The following ADAMTS20 variants were observed in gnomAD, a reference collection of about 807,000 sequenced individuals.
The protein encoded by ADAMTS20 is ADAM metallopeptidase with thrombospondin type 1 motif 20.
ADAMTS20 carries 225 observed loss-of-function variants against 260.1 expected under a neutral mutation model. The observed-to-expected ratio is 0.87, with a 90% CI of 0.78 to 0.97. ADAMTS20 has a LOEUF of 0.97. Among genes scored for constraint, ADAMTS20 ranks in the 50% least tolerant of loss-of-function variants. The probability of loss-of-function intolerance (pLI) is 0.00; values close to 1 mark genes in which losing one functional copy is unlikely to be tolerated. For missense variants in ADAMTS20, 2,400 were observed against 2,337.7 expected (o/e 1.03, Z -0.55); for synonymous variants, 802 against 769.5 (o/e 1.04, Z -0.70).
In ADAMTS20 at chr12:43,550,959, C is replaced by T. The variant is rs1340493590; in HGVS notation, c.403G>A (p.Val135Ile). ...DLRHCFYRGQVNSQEDYKAVV... is the reference protein window; with the variant it reads ...DLRHCFYRGQINSQEDYKAVV... Reference sequence around the variant, plus strand: ...GCCTTGTAATCCTCCTGTGAGTTGACCTGGCCGCGGTAGAAGCAGTGGCGC... The same window carrying T: ...GCCTTGTAATCCTCCTGTGAGTTGATCTGGCCGCGGTAGAAGCAGTGGCGC... Residue 135 changes from valine (V) to isoleucine (I), a missense_variant, in exon 2 of 39, where the codon GTC becomes ATC. Physicochemically the swap from Val to Ile is conservative, Grantham distance 29. Transcript: ENST00000389420. The T allele has an allele frequency of 6.2e-7, 1 of 1,600,778 alleles. No individual in the cohort carries two copies. The highest frequency in any genetic ancestry group is 8.5e-7 in the Non-Finnish European group (1 of 1,171,362).
chr12:43,431,247 A>G (rs1276912791), intron 22 of ADAMTS20, 85 bp downstream of exon 22: 17 of 1,404,350 alleles, frequency 1.2e-5, no homozygotes, highest in Admixed American at 2.3e-5. Context: ...CATTGCATCC[A>G]CTAAGGGAGG....
chr12:43,373,766 G>A (rs1416284104), intron 36 of ADAMTS20, among the ~76,000 whole-genome samples: 1 of 126,474 alleles, frequency 7.9e-6, no homozygotes, highest in Admixed American at 1.0e-4. Context: ...TGCAAGCTCC[G>A]CCTCCTGGGT....
intron 29 of ADAMTS20, among the ~76,000 whole-genome samples, chr12:43,393,827 A>G (rs1223598179): frequency 2.0e-5 from 3 of 152,066 alleles, no homozygotes; most frequent in African/African-American, 7.2e-5. Flanking sequence ...AAATCTTTCT[A>G]TAACAATAAT....
Position 43,551,795 on chromosome 12 carries a change from C to T in ADAMTS20, c.91+36G>A, listed in dbSNP as rs376310421. 2.6e-4 allele frequency: 412 copies of T among 1,606,990 alleles called. No individual in the cohort carries two copies. The highest frequency in any genetic ancestry group is 3.4e-4 in the Non-Finnish European group (395 of 1,174,930). ...ATGTCCCACTCGGGCCCCGCGCCCC[C>T]ACTTAGCCGCTGAAGGCGTCTCGCG... On this transcript the variant is annotated intron_variant, in intron 1 of 38. Coordinates refer to ENST00000389420, the MANE Select transcript of ADAMTS20 (RefSeq NM_025003.5). This position sits in a 1 kb window ranked among gnomAD's most constrained non-coding sequence, Gnocchi z 4.6.
chr12:43,370,826 T>G (rs1018643047), intron 36 of ADAMTS20, among the ~76,000 whole-genome samples: 1 of 152,216 alleles, frequency 6.6e-6, no homozygotes, highest in Non-Finnish European at 1.5e-5. Flanking sequence ...CTCACACCCC[T>G]TCTATCAGAA....
At chr12:43,481,140 AT>A (rs1324984274) in intron 7 of ADAMTS20, among the ~76,000 whole-genome samples, 2 of 152,146 alleles carry the variant, frequency 1.3e-5, no homozygotes, top group East Asian at 3.8e-4. Flanking sequence ...AGATTAACCC[AT>A]TTATACAGGA....
intron 29 of ADAMTS20, among the ~76,000 whole-genome samples, chr12:43,389,714 T>C (rs1246089788): frequency 1.3e-5 from 2 of 152,166 alleles, no homozygotes; most frequent in Non-Finnish European, 2.9e-5. Flanking sequence ...GTTTTTGTTT[T>C]TGTTTTTTTG....
At chr12:43,393,732 T>C (rs1044110035) in intron 29 of ADAMTS20, among the ~76,000 whole-genome samples, 7 of 152,022 alleles carry the variant, frequency 4.6e-5, no homozygotes, top group Admixed American at 2.6e-4. Flanking sequence ...GAATCAATAA[T>C]ATAGTAGTAC....
intron 2 of ADAMTS20, among the ~76,000 whole-genome samples, chr12:43,535,130 T>C (rs1943276555): frequency 6.6e-6 from 1 of 152,260 alleles, no homozygotes; most frequent in Non-Finnish European, 1.5e-5. Flanking sequence ...AGCACATTTA[T>C]CATATGTTGC....
chr12:43,474,031 A>G (rs921080346), intron 7 of ADAMTS20, among the ~76,000 whole-genome samples: 2 of 151,796 alleles, frequency 1.3e-5, no homozygotes, highest in African/African-American at 4.8e-5. Context: ...ACCCTTCAAA[A>G]AATCAATGAA....
At chr12:43,425,838 G>A (rs1333980414) in intron 27 of ADAMTS20, 148 bp from the exon 28 acceptor site, 1 of 500,740 alleles carries the variant, frequency 2.0e-6, no homozygotes, top group African/African-American at 2.0e-5. Context: ...CTCTAGTAAT[G>A]GTAGCGTTTA....
chr12:43,488,851 T>G (rs1942560580), intron 7 of ADAMTS20, among the ~76,000 whole-genome samples: 1 of 152,146 alleles, frequency 6.6e-6, no homozygotes, highest in Non-Finnish European at 1.5e-5. Context: ...ATAATTGTTT[T>G]GACTGTTGCC....
In ADAMTS20 at chr12:43,452,507, T is replaced by C; in HGVS notation, c.1942+7A>G. On this transcript the variant is annotated splice_region_variant and intron_variant, in intron 13 of 38. Transcript: ENST00000389420. Reference sequence around the variant, plus strand: ...TTTACATCAAAGAACCAGCATAATTTACTTACTGCCACTGTATCTTGGAAG... The same window carrying C: ...TTTACATCAAAGAACCAGCATAATTCACTTACTGCCACTGTATCTTGGAAG... 1 of 1,609,294 alleles carries C rather than the reference T, an allele frequency of 6.2e-7. No individual in the cohort carries two copies. The highest frequency in any genetic ancestry group is 8.5e-7 in the Non-Finnish European group (1 of 1,176,908).
In ADAMTS20 at chr12:43,425,693, A is replaced by T; in HGVS notation, c.4108-3T>A. ...CCTCCTCCACATGTTTGTGAACACT[A>T]AAAACAAGAATAGGAAAATTCAAAA... On this transcript the variant is annotated splice_region_variant and splice_polypyrimidine_tract_variant and intron_variant, in intron 27 of 38. Transcript: ENST00000389420. 1.9e-6 allele frequency: 3 copies of T among 1,572,120 alleles called. No homozygotes were observed. The highest frequency in any genetic ancestry group is 3.4e-4 in the Middle Eastern group (2 of 5,878).
intron 29 of ADAMTS20, 116 bp from the exon 30 acceptor site, chr12:43,384,093 T>C: frequency 1.1e-6 from 1 of 945,474 alleles, no homozygotes; most frequent in Non-Finnish European, 1.5e-6. Context: ...TATTAAAACA[T>C]GAATTAGATA....
intron 2 of ADAMTS20, among the ~76,000 whole-genome samples, chr12:43,534,548 T>A (rs1943267777): frequency 6.6e-6 from 1 of 152,158 alleles, no homozygotes; most frequent in African/African-American, 2.4e-5. Flanking sequence ...TTGTTTTTAA[T>A]AGCAAAATAT....
chr12:43,532,172 G>A lies in ADAMTS20; in HGVS notation c.477C>T (p.Asn159=), dbSNP rs975001115. ...GGLTGTFKGQ[N]GEYFLEPIMK... ...TTATAGGTTCTAAGAAATATTCACCGTTCTGTCCTTTAAATGTTCCCGTCT... is the reference window on the plus strand; with the variant it reads ...TTATAGGTTCTAAGAAATATTCACCATTCTGTCCTTTAAATGTTCCCGTCT... Residue 159 remains asparagine (N), a synonymous_variant, in exon 3 of 39, where the codon AAC becomes AAT. Transcript: ENST00000389420. 1.6e-5 allele frequency: 25 copies of A among 1,603,584 alleles called. No individual in the cohort carries two copies. Among genetic ancestry groups the A allele is most frequent in the East Asian group, 6.7e-5 (3 of 44,618 alleles).
chr12:43,501,460 TAC>T (rs1491094688), intron 4 of ADAMTS20, among the ~76,000 whole-genome samples: 18,609 of 91,372 alleles, frequency 0.2, 1,819 homozygotes, highest in East Asian at 0.51. Context: ...TGGAGGGGGA[TAC>T]GCGCGCGCGC....
intron 6 of ADAMTS20, among the ~76,000 whole-genome samples, chr12:43,491,025 T>C (rs1942592048): frequency 6.6e-6 from 1 of 152,064 alleles, no homozygotes; most frequent in African/African-American, 2.4e-5. Flanking sequence ...ATGTATAAAA[T>C]TAAATCAATT....
Sources: allele counts gnomAD v4.1 joint callset (sites outside exome capture counted in the v4.1 genomes callset), GRCh38; gene constraint gnomAD v4.1.1; non-coding constraint Gnocchi (gnomAD v3.1); transcripts MANE v1.5; gene names NCBI Gene and HGNC (gene_info 2026-07-23, HGNC 2026-07-21).